The following ADORA2B variants were observed in gnomAD, a reference collection of about 807,000 sequenced individuals.
ADORA2B encodes adenosine receptor A2b.
Under a neutral mutation model 20.8 loss-of-function variants are expected in ADORA2B, and 18 were observed. That is an observed-to-expected ratio of 0.87 (90% CI 0.60 to 1.29). The LOEUF (loss-of-function observed/expected upper bound fraction) is 1.29. Among genes scored for constraint, ADORA2B ranks in the 50% most tolerant of loss-of-function variants. The probability of loss-of-function intolerance (pLI) is 0.00; values close to 1 mark genes in which losing one functional copy is unlikely to be tolerated. For missense variants in ADORA2B, 441 were observed against 422.7 expected (o/e 1.04, Z -0.38); for synonymous variants, 179 against 178.3 (o/e 1.00, Z -0.03).
At chr17:15,863,226 A>G in the ADORA2B span, among the ~76,000 whole-genome samples, 3 of 152,190 alleles carry the variant, frequency 2.0e-5, no homozygotes, top group Non-Finnish European at 4.4e-5. Flanking sequence ...TTTATCTTTC[A>G]TAGTGAAAAG....
At chr17:15,861,447 T>C in the ADORA2B span, among the ~76,000 whole-genome samples, 1 of 152,152 alleles carries the variant, frequency 6.6e-6, no homozygotes, top group Non-Finnish European at 1.5e-5. Flanking sequence ...ATATTGCAAA[T>C]CTTCATTGCT....
the ADORA2B span, among the ~76,000 whole-genome samples, chr17:15,898,542 T>C: frequency 2.0e-5 from 3 of 151,620 alleles, no homozygotes; most frequent in East Asian, 5.9e-4. Context: ...CTAATTTTTG[T>C]ATTTTTAGTG....
At chr17:15,856,950 T>C in the ADORA2B span, among the ~76,000 whole-genome samples, 1 of 151,962 alleles carries the variant, frequency 6.6e-6, no homozygotes, top group African/African-American at 2.4e-5. Flanking sequence ...ACCAAAACAG[T>C]GGGAAAAAAT....
the ADORA2B span, among the ~76,000 whole-genome samples, chr17:15,922,695 G>A: frequency 6.6e-6 from 1 of 152,216 alleles, no homozygotes; most frequent in Non-Finnish European, 1.5e-5. Flanking sequence ...ATGTTCATGT[G>A]TGTAAGTTTC....
chr17:15,874,889 C>G, the ADORA2B span, among the ~76,000 whole-genome samples: 8 of 152,284 alleles, frequency 5.3e-5, no homozygotes, highest in African/African-American at 1.9e-4. Context: ...TTAGTTTACG[C>G]TTCTCTACAC....
chr17:15,921,766 A>G, the ADORA2B span, among the ~76,000 whole-genome samples: 1 of 152,156 alleles, frequency 6.6e-6, no homozygotes, highest in African/African-American at 2.4e-5. Flanking sequence ...TGAATTCACA[A>G]AATTATTAGG....
intron 1 of ADORA2B, among the ~76,000 whole-genome samples, chr17:15,964,065 C>T (rs1299290291): frequency 6.6e-6 from 1 of 152,186 alleles, no homozygotes; most frequent in African/African-American, 2.4e-5. Context: ...AGTGGGCAGG[C>T]AGATGCTGTC....
chr17:15,901,512 C>T, the ADORA2B span, among the ~76,000 whole-genome samples: 10 of 152,068 alleles, frequency 6.6e-5, no homozygotes, highest in South Asian at 2.1e-3. Context: ...ACATGAAAAG[C>T]ACTTTTTTTC....
the ADORA2B span, among the ~76,000 whole-genome samples, chr17:15,866,688 TCTGCCTCTGCCTCTGCCG>T: frequency 1.5e-3 from 115 of 78,920 alleles, no homozygotes; most frequent in Non-Finnish European, 5.3e-4. Context: ...TGGCTCTCCC[TCTGCCTCTGCCTCTGCCG>T]CTGCCGCTGC....
the ADORA2B span, among the ~76,000 whole-genome samples, chr17:15,905,245 T>C: frequency 2.5e-3 from 374 of 149,596 alleles, 1 homozygote; most frequent in African/African-American, 8.3e-3. Context: ...ATCCTGCACA[T>C]ATTTTGTTAG....
the ADORA2B span, among the ~76,000 whole-genome samples, chr17:15,917,433 C>T: frequency 6.6e-6 from 1 of 152,218 alleles, no homozygotes; most frequent in African/African-American, 2.4e-5. Context: ...CAGGCTGAGC[C>T]GGCGCAGCCA....
chr17:15,886,513 G>A, the ADORA2B span, among the ~76,000 whole-genome samples: 2 of 129,970 alleles, frequency 1.5e-5, 1 homozygote, highest in East Asian at 4.1e-4. Context: ...GGGACCTTCT[G>A]GACACAGGTA....
the ADORA2B span, among the ~76,000 whole-genome samples, chr17:15,896,317 A>G: frequency 6.6e-6 from 1 of 152,206 alleles, no homozygotes; most frequent in Non-Finnish European, 1.5e-5. Flanking sequence ...CTGTGTTTAA[A>G]CATATTAAAG....
chr17:15,895,531 C>T, the ADORA2B span, among the ~76,000 whole-genome samples: 177 of 152,180 alleles, frequency 1.2e-3, no homozygotes, highest in Non-Finnish European at 1.9e-3. Context: ...ATCTGGGGGT[C>T]GTCCATGATC....
At chr17:15,864,390 A>C in the ADORA2B span, among the ~76,000 whole-genome samples, 1 of 152,100 alleles carries the variant, frequency 6.6e-6, no homozygotes, top group Non-Finnish European at 1.5e-5. Flanking sequence ...TCCTTTGCTC[A>C]AAGTGTTACC....
At chr17:15,962,707 G>C (rs1483103546) in intron 1 of ADORA2B, among the ~76,000 whole-genome samples, 1 of 151,952 alleles carries the variant, frequency 6.6e-6, no homozygotes, top group East Asian at 1.9e-4. Flanking sequence ...TAGTAGAGAC[G>C]GGGTTTCACC....
At chr17:15,897,213 T>G in the ADORA2B span, among the ~76,000 whole-genome samples, 1 of 151,948 alleles carries the variant, frequency 6.6e-6, no homozygotes. Flanking sequence ...TACAAGAAAA[T>G]ACTCATCTAG....
chr17:15,894,820 G>A, the ADORA2B span, among the ~76,000 whole-genome samples: 6 of 152,146 alleles, frequency 3.9e-5, no homozygotes, highest in East Asian at 1.2e-3. Context: ...TTTAAATAAA[G>A]TCCAAAGAAT....
the ADORA2B span, among the ~76,000 whole-genome samples, chr17:15,887,371 C>T: frequency 7.6e-6 from 1 of 130,932 alleles, no homozygotes. Context: ...AGTTGAAATC[C>T]CAACAGACTT....
Sources: allele counts gnomAD v4.1 joint callset (sites outside exome capture counted in the v4.1 genomes callset), GRCh38; gene constraint gnomAD v4.1.1; transcripts MANE v1.5; gene names NCBI Gene and HGNC (gene_info 2026-07-23, HGNC 2026-07-21).